The following BLOC1S3 variants were observed in gnomAD, a reference collection of about 807,000 sequenced individuals.
The protein encoded by BLOC1S3 is biogenesis of lysosomal organelles complex 1 subunit 3, also known as biogenesis of lysosome-related organelles complex 1 subunit 3.
In BLOC1S3, 7 loss-of-function variants were observed where a neutral mutation model predicts 9.1. The observed-to-expected ratio is 0.77, with a 90% CI of 0.44 to 1.45. BLOC1S3 has a LOEUF of 1.45. Ranked by LOEUF, BLOC1S3 falls within the 40% of genes most tolerant of loss-of-function variation. The pLI is 0.01. For missense variants in BLOC1S3, 307 were observed against 315.2 expected, an observed-to-expected ratio of 0.97 and a Z score of 0.20; for synonymous variants, 145 against 158.4, an observed-to-expected ratio of 0.92 and a Z score of 0.64.
At chr19:45,213,250 G>T (rs753760745) in intron 3 of BLOC1S3, 3 of 1,613,310 alleles carry the variant, frequency 1.9e-6, no homozygotes, top group East Asian at 4.5e-5. Flanking sequence ...GGGTGACAGG[G>T]CTCCCTCCTC....
At chr19:45,203,907 G>A (rs1454456502) in intron 3 of BLOC1S3, among the ~76,000 whole-genome samples, 1 of 152,052 alleles carries the variant, frequency 6.6e-6, no homozygotes, top group Non-Finnish European at 1.5e-5. Flanking sequence ...TAAAATAGCA[G>A]TCCCATCCCA....
downstream of BLOC1S3, among the ~76,000 whole-genome samples, chr19:45,186,502 C>T (rs572377429): frequency 5.3e-5 from 8 of 152,044 alleles, no homozygotes; most frequent in Non-Finnish European, 7.4e-5. Flanking sequence ...GTCAGTAGTT[C>T]GAAACCAGCC....
At chr19:45,194,203 C>T (rs1392356766) in intron 2 of BLOC1S3, among the ~76,000 whole-genome samples, 2 of 146,108 alleles carry the variant, frequency 1.4e-5, no homozygotes, top group African/African-American at 5.1e-5. Context: ...ACCTCTGCCT[C>T]CCAGGTTCAA....
At chr19:45,199,675 T>TTTCTC (rs904124781) in intron 2 of BLOC1S3, among the ~76,000 whole-genome samples, 4 of 151,538 alleles carry the variant, frequency 2.6e-5, no homozygotes, top group African/African-American at 9.7e-5. Context: ...TCTCATCTCT[T>TTTCTC]TTCTCTTCTC....
downstream of BLOC1S3, among the ~76,000 whole-genome samples, chr19:45,185,149 A>G (rs560944744): frequency 6.6e-6 from 1 of 152,160 alleles, no homozygotes; most frequent in East Asian, 1.9e-4. Context: ...ACACTGGGGT[A>G]AGAGAGACTA....
At chr19:45,194,827 A>G (rs57355367) in intron 2 of BLOC1S3, among the ~76,000 whole-genome samples, 26,445 of 152,078 alleles carry the variant, frequency 0.17, 2,873 homozygotes, top group African/African-American at 0.28. Flanking sequence ...GACTGCATGA[A>G]GGGTTGCATC....
chr19:45,214,750 C>T (rs1207629152), intron 3 of BLOC1S3, among the ~76,000 whole-genome samples: 2 of 151,950 alleles, frequency 1.3e-5, no homozygotes, highest in East Asian at 3.9e-4. Context: ...CAAGCGTGAG[C>T]CACCATGCCC....
intron 3 of BLOC1S3, among the ~76,000 whole-genome samples, chr19:45,202,942 T>A (rs1005978055): frequency 6.6e-6 from 1 of 151,972 alleles, no homozygotes; most frequent in Non-Finnish European, 1.5e-5. Context: ...AAAAATGTCA[T>A]CCAGGAGTTA....
chr19:45,183,208 A>G (rs551805553), downstream of BLOC1S3, among the ~76,000 whole-genome samples: 1 of 152,062 alleles, frequency 6.6e-6, no homozygotes, highest in Non-Finnish European at 1.5e-5. Flanking sequence ...GGCTGTGCGC[A>G]GTGGCTCACG....
At chr19:45,211,448 T>C (rs1053862272) in intron 3 of BLOC1S3, among the ~76,000 whole-genome samples, 1 of 148,562 alleles carries the variant, frequency 6.7e-6, no homozygotes, top group African/African-American at 2.5e-5. Context: ...GAGGTGGAGG[T>C]TGCAGTGAGC....
At chr19:45,188,470 G>A (rs1015606880) in intron 2 of BLOC1S3, among the ~76,000 whole-genome samples, 13 of 151,144 alleles carry the variant, frequency 8.6e-5, no homozygotes, top group Non-Finnish European at 5.9e-5. Context: ...CACAGCGCCC[G>A]GCTTCTTTTA....
intron 3 of BLOC1S3, chr19:45,215,951 G>T: frequency 3.6e-6 from 5 of 1,385,790 alleles, no homozygotes; most frequent in Non-Finnish European, 4.9e-6. Context: ...AGCAGGAAAC[G>T]GCCGTCAGAC....
chr19:45,186,378 G>C (rs1317503080), downstream of BLOC1S3, among the ~76,000 whole-genome samples: 2 of 151,992 alleles, frequency 1.3e-5, no homozygotes, highest in African/African-American at 2.4e-5. Context: ...GCTCAGGCTG[G>C]TCTTGAACTC....
At chr19:45,213,178 A>G in intron 3 of BLOC1S3, 4 of 1,601,870 alleles carry the variant, frequency 2.5e-6, no homozygotes, top group Non-Finnish European at 3.4e-6. Context: ...GAAGAGAGGG[A>G]GGCTGAGACA....
chr19:45,189,558 G>A (rs1048444749), intron 2 of BLOC1S3, among the ~76,000 whole-genome samples: 10 of 148,034 alleles, frequency 6.8e-5, no homozygotes, highest in South Asian at 2.1e-4. Context: ...TAAGCCTCCC[G>A]AATAGCTGAG....
chr19:45,185,240 G>A (rs1969558364), downstream of BLOC1S3, among the ~76,000 whole-genome samples: 3 of 152,274 alleles, frequency 2.0e-5, no homozygotes, highest in South Asian at 4.1e-4. Context: ...CACCCCCACT[G>A]GACTGTTGGC....
chr19:45,210,774 A>G (rs973742286), intron 3 of BLOC1S3, among the ~76,000 whole-genome samples: 2 of 152,106 alleles, frequency 1.3e-5, no homozygotes, highest in Admixed American at 6.5e-5. Context: ...CTGTTTTTCA[A>G]TGGAGGACCA....
intron 3 of BLOC1S3, among the ~76,000 whole-genome samples, chr19:45,210,999 C>T (rs1969765694): frequency 6.6e-6 from 1 of 152,176 alleles, no homozygotes; most frequent in African/African-American, 2.4e-5. Flanking sequence ...GTAGTCCCAG[C>T]TACTCAGAAG....
rs1007762963 is a variant in BLOC1S3, at chr19:45,194,046, G to A, written n.180+6306G>A. Among the ~76,000 whole-genome samples, 233 of 134,348 alleles carry A rather than the reference G, an allele frequency of 1.7e-3. 2 individuals are homozygous for A. Among genetic ancestry groups the A allele is most frequent in the Non-Finnish European group, 2.9e-3 (184 of 64,376 alleles). 88.1% of individuals were successfully genotyped at this position (134,348 alleles called of 152,430 possible). ...TCTCGATCTCCTGACCTCACGATCC[G>A]CCCTCCTTGGCCTCCCAAAGTGCTG... On this transcript the variant is annotated intron_variant and non_coding_transcript_variant, in intron 2 of 3. Coordinates refer to the BLOC1S3 transcript ENST00000591569.
Sources: gnomAD v4.1 joint callset for allele counts (sites outside exome capture counted in the v4.1 genomes callset) on GRCh38, gnomAD v4.1.1 for gene constraint, MANE v1.5 for transcripts, NCBI Gene and HGNC (gene_info 2026-07-23, HGNC 2026-07-21) for gene names.